Variants in EFCAB5 observed in about 807,000 individuals in gnomAD.
EFCAB5 encodes the protein EF-hand calcium-binding domain-containing protein 5.
EFCAB5 carries 131 observed loss-of-function variants against 167.9 expected under a neutral mutation model. The observed-to-expected ratio is 0.78, with a 90% CI of 0.68 to 0.90. EFCAB5 has a LOEUF of 0.90. EFCAB5 is among the 40% of genes least tolerant of loss of function. The pLI is 0.00. For synonymous variants in EFCAB5, 574 were observed against 602.8 expected, an observed-to-expected ratio of 0.95 and a Z score of 0.70; for missense variants, 1,663 against 1,745.2, an observed-to-expected ratio of 0.95 and a Z score of 0.84.
chr17:30,040,087 G>A (rs1213293781), intron 8 of EFCAB5, among the ~76,000 whole-genome samples: 1 of 152,184 alleles, frequency 6.6e-6, no homozygotes, highest in Non-Finnish European at 1.5e-5. Context: ...CAGAGGCCCA[G>A]GTTGTCCCCT....
intron 22 of EFCAB5, among the ~76,000 whole-genome samples, chr17:30,096,787 C>G (rs1345843684): frequency 6.9e-6 from 1 of 144,134 alleles, no homozygotes; most frequent in Admixed American, 7.0e-5. Flanking sequence ...TCAAGAGATT[C>G]TCCTGCCTCA....
At chr17:29,936,274 G>A (rs764712821) in intron 1 of EFCAB5, among the ~76,000 whole-genome samples, 2 of 152,120 alleles carry the variant, frequency 1.3e-5, no homozygotes, top group Non-Finnish European at 2.9e-5. Flanking sequence ...CTTGGACACA[G>A]GAAGGGGAAT....
chr17:29,990,553 C>G (rs901826987), intron 4 of EFCAB5, among the ~76,000 whole-genome samples: 6 of 152,200 alleles, frequency 3.9e-5, no homozygotes, highest in African/African-American at 1.2e-4. Context: ...TAAACTAGAT[C>G]TACCTAGAAG....
chr17:30,012,890 A>G (rs934778228), intron 7 of EFCAB5, among the ~76,000 whole-genome samples: 18 of 152,170 alleles, frequency 1.2e-4, no homozygotes, highest in Non-Finnish European at 7.4e-5. Context: ...CCAGTTTTCA[A>G]AGGGAATGCT....
intron 14 of EFCAB5, chr17:30,068,522 C>A (rs1188639683): frequency 3.3e-6 from 2 of 613,388 alleles, no homozygotes; most frequent in Non-Finnish European, 5.5e-6. Flanking sequence ...AAAGACATCT[C>A]ATGTTCATGG....
rs549616736 is a variant in EFCAB5 at position 30,085,886 on chromosome 17, G to A, written c.3580-1177G>A. ...TTGATGTCATGGAGTATAGAGGCAA[G>A]AGGAAATTTCACATTACAAAACAGC... On this transcript the variant is annotated intron_variant, in intron 18 of 22. Transcript: ENST00000394835. Among the ~76,000 whole-genome samples the A allele has an allele frequency of 1.2e-4, 19 of 152,314 alleles. No individual in the cohort carries two copies. In the East Asian group the frequency reaches 3.5e-3, roughly 28 times the overall value.
intron 22 of EFCAB5, among the ~76,000 whole-genome samples, chr17:30,107,558 A>G (rs1455203241): frequency 6.6e-6 from 1 of 152,238 alleles, no homozygotes; most frequent in Non-Finnish European, 1.5e-5. Flanking sequence ...CCAAAAGTAC[A>G]CATTATTCTA....
intron 5 of EFCAB5, among the ~76,000 whole-genome samples, chr17:29,993,899 G>A (rs2068476845): frequency 6.6e-6 from 1 of 151,656 alleles, no homozygotes; most frequent in African/African-American, 2.4e-5. Context: ...TGGGAGGATT[G>A]CTTGAGGCCA....
chr17:30,036,506 T>G (rs1418458158), intron 8 of EFCAB5, among the ~76,000 whole-genome samples: 1 of 151,340 alleles, frequency 6.6e-6, no homozygotes, highest in Non-Finnish European at 1.5e-5. Context: ...CATACCTCAC[T>G]ACAGCCTCTA....
chr17:30,052,179 T>C (rs1054076392), intron 9 of EFCAB5, among the ~76,000 whole-genome samples: 2 of 152,104 alleles, frequency 1.3e-5, no homozygotes, highest in African/African-American at 2.4e-5. Context: ...AATGTCTTTT[T>C]TTTGAGACAG....
chr17:30,068,757 C>T (rs1247096691), intron 14 of EFCAB5: 1 of 1,419,420 alleles, frequency 7.0e-7, no homozygotes, highest in Non-Finnish European at 1.0e-6. Flanking sequence ...GCAGGAGTCC[C>T]TGGCCCAAGG....
At chr17:30,044,484 G>A (rs986343252) in intron 8 of EFCAB5, among the ~76,000 whole-genome samples, 2 of 152,010 alleles carry the variant, frequency 1.3e-5, no homozygotes, top group East Asian at 1.9e-4. Flanking sequence ...GCTGAGGCAC[G>A]AGAATCGCTT....
intron 4 of EFCAB5, among the ~76,000 whole-genome samples, chr17:29,992,142 A>G (rs558046853): frequency 6.6e-6 from 1 of 152,142 alleles, no homozygotes; most frequent in South Asian, 2.1e-4. Context: ...CATTTCCCCC[A>G]TTCCCAGCCT....
At chr17:29,939,958 G>A (rs993751083), upstream of EFCAB5, among the ~76,000 whole-genome samples, 1 of 152,074 alleles carries the variant, frequency 6.6e-6, no homozygotes, top group African/African-American at 2.4e-5. Context: ...TTGTGAAAAT[G>A]TCCCTAACTA....
At chr17:29,956,727 A>G (rs1459419738) in intron 3 of EFCAB5, among the ~76,000 whole-genome samples, 3 of 152,194 alleles carry the variant, frequency 2.0e-5, no homozygotes, top group Non-Finnish European at 2.9e-5. Context: ...CAGATATAAA[A>G]GAGCACATAC....
intron 6 of EFCAB5, among the ~76,000 whole-genome samples, chr17:29,999,577 G>A (rs781736500): frequency 6.6e-6 from 1 of 152,112 alleles, no homozygotes; most frequent in East Asian, 1.9e-4. Flanking sequence ...GAAGTGTTTT[G>A]TTTAAGGACC....
intron 3 of EFCAB5, among the ~76,000 whole-genome samples, chr17:29,944,727 G>A (rs186372738): frequency 1.2e-4 from 18 of 151,238 alleles, no homozygotes; most frequent in African/African-American, 3.9e-4. Flanking sequence ...GGGTTCAAGC[G>A]ATTCTCCAGC....
At chr17:30,088,056 G>A (rs946518155) in intron 19 of EFCAB5, among the ~76,000 whole-genome samples, 1 of 152,146 alleles carries the variant, frequency 6.6e-6, no homozygotes, top group African/African-American at 2.4e-5. Flanking sequence ...ATTTTATTCT[G>A]ATTGGCTTTT....
intron 14 of EFCAB5, among the ~76,000 whole-genome samples, chr17:30,061,345 C>G (rs2070420230): frequency 6.6e-6 from 1 of 152,192 alleles, no homozygotes; most frequent in South Asian, 2.1e-4. Context: ...GAAGAAGATT[C>G]TAAATTTCAA....
Sources: gnomAD v4.1 joint callset for allele counts (sites outside exome capture counted in the v4.1 genomes callset) on GRCh38, gnomAD v4.1.1 for gene constraint, MANE v1.5 for transcripts, NCBI Gene and HGNC (gene_info 2026-07-23, HGNC 2026-07-21) for gene names.